The following AGBL1 variants were observed in gnomAD, a reference collection of about 807,000 sequenced individuals.
AGBL1 encodes the protein AGBL carboxypeptidase 1, also known as cytosolic carboxypeptidase 4.
AGBL1 carries 130 observed loss-of-function variants against 118.9 expected under a neutral mutation model. That is an observed-to-expected ratio of 1.09 (90% CI 0.95 to 1.26). AGBL1 has a LOEUF of 1.26. Ranked by LOEUF, AGBL1 falls within the 50% of genes most tolerant of loss-of-function variation. AGBL1 has a pLI of 0.00. For missense variants in AGBL1, 1,584 were observed against 1,298.1 expected (o/e 1.22, Z -3.38); for synonymous variants, 555 against 478.9 (o/e 1.16, Z -2.08).
In AGBL1 at chr15:86,297,273, G is replaced by A. The variant is rs1471431084; in HGVS notation, c.2374+1865G>A. Among the ~76,000 whole-genome samples, 6 of 152,042 alleles carry A rather than the reference G, an allele frequency of 3.9e-5. No homozygotes were observed. The East Asian group carries it at 5.8e-4, about 15-fold the overall frequency. The stretch of plus-strand genomic sequence containing the variant: ...TCAAGAAGTATCAGATAAATGCTAT[G>A]CATTTTCTTTTTGTCACTTGCAAAT... On this transcript the variant is annotated intron_variant, in intron 17 of 22. Coordinates refer to ENST00000614907, the MANE Select transcript of AGBL1 (RefSeq NM_001386094.1).
intron 23 of AGBL1, among the ~76,000 whole-genome samples, chr15:86,965,809 A>C (rs2141693792): frequency 6.6e-6 from 1 of 152,088 alleles, no homozygotes; most frequent in South Asian, 2.1e-4. Flanking sequence ...AACAATGAGA[A>C]CCCATGGACA....
chr15:86,200,910 C>T (rs2077897871), intron 5 of AGBL1, among the ~76,000 whole-genome samples: 1 of 152,072 alleles, frequency 6.6e-6, no homozygotes, highest in African/African-American at 2.4e-5. Context: ...GCCACTGTGC[C>T]TGGCGAGGAA....
intron 5 of AGBL1, among the ~76,000 whole-genome samples, chr15:86,194,873 A>G (rs1048412975): frequency 6.6e-6 from 1 of 152,202 alleles, no homozygotes; most frequent in African/African-American, 2.4e-5. Flanking sequence ...ATGTAAGGAA[A>G]GATATATATT....
chr15:86,164,620 G>A (rs2077312146), intron 5 of AGBL1, among the ~76,000 whole-genome samples: 1 of 152,132 alleles, frequency 6.6e-6, no homozygotes, highest in African/African-American at 2.4e-5. Context: ...GATCCTTTTG[G>A]ATTCTCACAG....
rs1467246693 is a variant in AGBL1 at position 86,615,842 on chromosome 15, A to G, written c.2995-58431A>G. 1.3e-5 allele frequency among the ~76,000 whole-genome samples: 2 copies of G among 152,204 alleles called. No homozygotes were observed. The highest frequency in any genetic ancestry group is 2.9e-5 in the Non-Finnish European group (2 of 68,048). ...AAACTCAGGGAAAGACTGTTGTAAA[A>G]TGAAAAATTAATTAATAGGGATGAC... On this transcript the variant is annotated intron_variant, in intron 21 of 22. Coordinates refer to ENST00000614907, the MANE Select transcript of AGBL1 (RefSeq NM_001386094.1). The surrounding 1 kb of genome is among the most constrained non-coding windows in gnomAD (Gnocchi z 4.3).
intron 18 of AGBL1, among the ~76,000 whole-genome samples, chr15:86,508,966 T>C (rs1345014516): frequency 6.6e-6 from 1 of 151,950 alleles, no homozygotes; most frequent in Non-Finnish European, 1.5e-5. Context: ...AAACAAACAA[T>C]CAAAAATCCT....
intron 22 of AGBL1, among the ~76,000 whole-genome samples, chr15:86,743,691 A>G (rs1264348382): frequency 6.6e-6 from 1 of 152,140 alleles, no homozygotes; most frequent in Non-Finnish European, 1.5e-5. Context: ...ATTCTAAAGA[A>G]GACCCCAAGG....
intron 6 of AGBL1, among the ~76,000 whole-genome samples, chr15:86,245,016 G>A (rs796566255): frequency 3.3e-5 from 5 of 152,218 alleles, no homozygotes; most frequent in African/African-American, 1.2e-4. Flanking sequence ...CTCCACAAAT[G>A]TATCACCAGG....
chr15:86,783,933 C>G (rs144057731), intron 22 of AGBL1, among the ~76,000 whole-genome samples: 4 of 152,128 alleles, frequency 2.6e-5, no homozygotes, highest in African/African-American at 7.2e-5. Flanking sequence ...GCCTTGCCCC[C>G]ACTTTTCTTA....
At chr15:86,470,114 G>C (rs2082459917) in intron 18 of AGBL1, among the ~76,000 whole-genome samples, 2 of 152,104 alleles carry the variant, frequency 1.3e-5, no homozygotes, top group Non-Finnish European at 2.9e-5. Context: ...TTTATTGCCT[G>C]TGCTTTAGAG....
At chr15:86,766,008 GTAA>G (rs2078092494) in intron 22 of AGBL1, among the ~76,000 whole-genome samples, 1 of 151,902 alleles carries the variant, frequency 6.6e-6, no homozygotes, top group African/African-American at 2.4e-5. Flanking sequence ...GTTAATAATA[GTAA>G]TAATAATCAT....
chr15:86,351,861 C>T (rs895990451), intron 17 of AGBL1, among the ~76,000 whole-genome samples: 12 of 152,120 alleles, frequency 7.9e-5, no homozygotes, highest in African/African-American at 2.9e-4. Flanking sequence ...TTCACATATC[C>T]TTCCTTTCCA....
intron 24 of AGBL1, among the ~76,000 whole-genome samples, chr15:87,006,734 T>C (rs997358996): frequency 4.6e-5 from 7 of 152,080 alleles, no homozygotes; most frequent in Middle Eastern, 3.2e-3. Context: ...AGTACTTCAG[T>C]TGGAAATGCA....
chr15:86,101,311 T>TG (rs1896699585), intron 1 of AGBL1, among the ~76,000 whole-genome samples: 1 of 152,180 alleles, frequency 6.6e-6, no homozygotes, highest in African/African-American at 2.4e-5. Context: ...CATGTGCCAA[T>TG]GAGAAGAAAG....
intron 21 of AGBL1, among the ~76,000 whole-genome samples, chr15:86,577,700 C>T (rs1158879201): frequency 6.6e-6 from 1 of 152,114 alleles, no homozygotes; most frequent in Admixed American, 6.5e-5. Flanking sequence ...GGACGTGGTG[C>T]CCTGTGTCCC....
At chr15:86,097,162 T>G (rs1259155245) in intron 1 of AGBL1, among the ~76,000 whole-genome samples, 2 of 152,172 alleles carry the variant, frequency 1.3e-5, no homozygotes, top group Admixed American at 6.5e-5. Flanking sequence ...TATTCCTGAT[T>G]CTTTTTGATG....
intron 1 of AGBL1, chr15:86,139,744 T>A (rs1419705500): frequency 6.6e-6 from 1 of 151,252 alleles, no homozygotes; most frequent in Non-Finnish European, 1.5e-5. Context: ...CAAAATTAAT[T>A]GAAAAAATAC....
chr15:86,362,764 G>C (rs2080824913), intron 17 of AGBL1, among the ~76,000 whole-genome samples: 1 of 152,200 alleles, frequency 6.6e-6, no homozygotes. Flanking sequence ...GAGTCACAGA[G>C]CTACTTCAAG....
intron 22 of AGBL1, among the ~76,000 whole-genome samples, chr15:86,786,344 G>A (rs2078412876): frequency 6.6e-6 from 1 of 152,118 alleles, no homozygotes; most frequent in South Asian, 2.1e-4. Flanking sequence ...GGCTCTGAAA[G>A]CTCATGACTG....
Sources: gnomAD v4.1 joint callset for allele counts (sites outside exome capture counted in the v4.1 genomes callset) on GRCh38, gnomAD v4.1.1 for gene constraint, Gnocchi (gnomAD v3.1) non-coding constraint, MANE v1.5 for transcripts, NCBI Gene and HGNC (gene_info 2026-07-23, HGNC 2026-07-21) for gene names.